Variants in FGF13 observed in about 807,000 individuals in gnomAD.
The protein encoded by FGF13 is fibroblast growth factor 13.
Under a neutral mutation model 19.5 loss-of-function variants are expected in FGF13, and 2 were observed. The ratio of observed to expected loss-of-function variants is 0.10; its 90% CI spans 0.04 to 0.32. FGF13 has a LOEUF of 0.32. FGF13 is among the 10% of genes least tolerant of loss of function. FGF13 has a pLI of 1.00. For synonymous variants in FGF13, 72 were observed against 76.9 expected, an observed-to-expected ratio of 0.94 and a Z score of 0.33; for missense variants, 113 against 192.7, an observed-to-expected ratio of 0.59 and a Z score of 2.45.
intron 3 of FGF13, among the ~76,000 whole-genome samples, chrX:138,674,738 T>A (rs1208431768): frequency 2.7e-5 from 3 of 111,307 alleles, no homozygotes; most frequent in Non-Finnish European, 5.7e-5. Flanking sequence ...GGGCAGAGGT[T>A]ACTGATGATG....
At position 139,097,968 on chromosome X, in the gene FGF13, C is replaced by G. The variant is rs188357452; in HGVS notation, c.-113+105448G>C. 7.2e-3 allele frequency among the ~76,000 whole-genome samples: 805 copies of G among 111,900 alleles called. 22 individuals carry two copies. Among genetic ancestry groups the G allele is most frequent in the Admixed American group, 0.071 (750 of 10,561 alleles). On this transcript the variant is annotated intron_variant, in intron 1 of 2. Transcript: ENST00000421460. ...GCTATATGGTAAATACATGGGAGTT[C>G]ATTTTATTTTTTCATTATAATTATT...
At chrX:138,994,984 CAAAAAA>C (rs5903991) in intron 1 of FGF13, among the ~76,000 whole-genome samples, 4 of 85,912 alleles carry the variant, frequency 4.7e-5, no homozygotes, top group Admixed American at 1.3e-4. Flanking sequence ...ACTATGTAAC[CAAAAAA>C]AAAAAAAAAA....
chrX:138,791,384 G>T (rs777314315), intron 3 of FGF13, among the ~76,000 whole-genome samples: 2 of 112,047 alleles, frequency 1.8e-5, no homozygotes, highest in Non-Finnish European at 3.8e-5. Context: ...TCAAAACCTG[G>T]ATTTGCCTAT....
Position 138,638,221 on chromosome X carries a change from A to G in FGF13, c.403-2566T>C, listed in dbSNP as rs961005007. On this transcript the variant is annotated intron_variant, in intron 3 of 4. Transcript: ENST00000315930. ...ACCTTGCCTATAGTAAAAACAACAA[A>G]CAACTTGATGTAACATTTAAAAATT... Among the ~76,000 whole-genome samples, 3 of 112,037 alleles carry G rather than the reference A, an allele frequency of 2.7e-5. No individual in the cohort carries two copies. In the Admixed American group the frequency reaches 2.9e-4, roughly 11 times the overall value.
intron 1 of FGF13, among the ~76,000 whole-genome samples, chrX:139,117,148 CTG>C (rs2083645402): frequency 9.0e-6 from 1 of 111,278 alleles, no homozygotes; most frequent in Non-Finnish European, 1.9e-5. Context: ...TGGTTCTCAA[CTG>C]GGGGTAATTT....
intron 3 of FGF13, among the ~76,000 whole-genome samples, chrX:138,699,427 C>T (rs2089925892): frequency 9.0e-6 from 1 of 111,265 alleles, no homozygotes; most frequent in South Asian, 3.8e-4. Flanking sequence ...CCTCAGTCTT[C>T]CTCAACCCTG....
intron 1 of FGF13, among the ~76,000 whole-genome samples, chrX:139,042,791 C>T (rs1012648946): frequency 1.8e-5 from 2 of 111,236 alleles, no homozygotes; most frequent in Non-Finnish European, 3.8e-5. Context: ...GCGACATCCC[C>T]GTATAATGTT....
chrX:138,811,309 G>A (rs141837345), intron 3 of FGF13, among the ~76,000 whole-genome samples: 3,588 of 110,803 alleles, frequency 0.032, 56 homozygotes, highest in Middle Eastern at 0.098. Context: ...CATGGATGAA[G>A]CTGGAAACCA....
At chrX:139,133,538 A>C (rs1304015311) in intron 1 of FGF13, among the ~76,000 whole-genome samples, 1 of 110,809 alleles carries the variant, frequency 9.0e-6, no homozygotes, top group Non-Finnish European at 1.9e-5. Flanking sequence ...TTCATATTGT[A>C]AGAAATGTAT....
At chrX:138,912,849 T>A (rs1186055419) in intron 1 of FGF13, among the ~76,000 whole-genome samples, 1 of 111,649 alleles carries the variant, frequency 9.0e-6, no homozygotes, top group Non-Finnish European at 1.9e-5. Context: ...TAGTTTTCAG[T>A]CTGCATCCAG....
At chrX:139,069,678 T>A (rs1330932378) in intron 1 of FGF13, among the ~76,000 whole-genome samples, 1 of 110,071 alleles carries the variant, frequency 9.1e-6, no homozygotes, top group African/African-American at 3.3e-5. Flanking sequence ...GCCAAGACAA[T>A]CCTAAGCCAA....
chrX:138,974,912 G>A (rs928849132), intron 1 of FGF13, among the ~76,000 whole-genome samples: 2 of 112,256 alleles, frequency 1.8e-5, no homozygotes, highest in Non-Finnish European at 3.8e-5. Context: ...GTAATTACAG[G>A]CACCCTAATT....
intron 1 of FGF13, among the ~76,000 whole-genome samples, chrX:139,000,954 C>A (rs1025547820): frequency 2.7e-5 from 3 of 111,818 alleles, no homozygotes; most frequent in Admixed American, 1.9e-4. Flanking sequence ...GCTACAGCAA[C>A]CAAAACAGCA....
At chrX:139,141,106 C>CACAT (rs1175820067) in intron 1 of FGF13, among the ~76,000 whole-genome samples, 5 of 104,816 alleles carry the variant, frequency 4.8e-5, no homozygotes, top group African/African-American at 1.8e-4. Context: ...AGAGTGTACA[C>CACAT]ACACACACAC....
rs150682380 is a variant in FGF13 at position 139,200,293 on chromosome X, T to C, written c.-113+3123A>G. Among the ~76,000 whole-genome samples the C allele has an allele frequency of 1.1e-3, 122 of 112,375 alleles. 1 individual carries two copies. The highest frequency in any genetic ancestry group is 3.9e-3 in the African/African-American group (120 of 30,948). ...GAAAGACACTTGATGAAACCTATTATAGTAAACCACAATGATCAAGATGAT... is the reference window on the plus strand; with the variant it reads ...GAAAGACACTTGATGAAACCTATTACAGTAAACCACAATGATCAAGATGAT... On this transcript the variant is annotated intron_variant, in intron 1 of 2. Coordinates refer to the FGF13 transcript ENST00000421460.
At chrX:138,766,862 T>C (rs2090506303) in intron 3 of FGF13, among the ~76,000 whole-genome samples, 1 of 112,210 alleles carries the variant, frequency 8.9e-6, no homozygotes, top group Non-Finnish European at 1.9e-5. Flanking sequence ...AGGGTAGTGG[T>C]CCAGCTTCAA....
At chrX:138,839,218 A>G (rs1168943463) in intron 3 of FGF13, among the ~76,000 whole-genome samples, 1 of 111,171 alleles carries the variant, frequency 9.0e-6, no homozygotes, top group Non-Finnish European at 1.9e-5. Flanking sequence ...ATGACACAGC[A>G]AGAAAGCCCT....
chrX:139,171,787 T>C (rs1353392054), intron 1 of FGF13, among the ~76,000 whole-genome samples: 1 of 111,652 alleles, frequency 9.0e-6, no homozygotes, highest in Non-Finnish European at 1.9e-5. Context: ...CTTTTCAATG[T>C]GTGATTTACA....
At chrX:138,934,470 T>A (rs1166144199) in intron 1 of FGF13, among the ~76,000 whole-genome samples, 3 of 112,667 alleles carry the variant, frequency 2.7e-5, no homozygotes, top group Non-Finnish European at 5.6e-5. Flanking sequence ...TGCTTTTCAA[T>A]CCTGCCTAAT....
Sources: allele counts gnomAD v4.1 joint callset (sites outside exome capture counted in the v4.1 genomes callset), GRCh38; gene constraint gnomAD v4.1.1; transcripts MANE v1.5; gene names NCBI Gene and HGNC (gene_info 2026-07-23, HGNC 2026-07-21).